PODXL: variants seen among roughly 807,000 people sequenced by gnomAD.
PODXL encodes podocalyxin like, also known as podocalyxin.
In PODXL, 20 loss-of-function variants were observed where a neutral mutation model predicts 48.9. The ratio of observed to expected loss-of-function variants is 0.41; its 90% confidence interval spans 0.29 to 0.59. PODXL has a LOEUF of 0.59. PODXL is among the 20% of genes least tolerant of loss of function. The pLI, the probability that PODXL is intolerant of heterozygous loss-of-function variation, is 0.31. For synonymous variants in PODXL, 295 were observed against 287.4 expected (o/e 1.03, Z -0.27); for missense variants, 606 against 675.1 (o/e 0.90, Z 1.13).
At chr7:131,545,405 G>T (rs964478315) in intron 1 of PODXL, among the ~76,000 whole-genome samples, 2 of 152,198 alleles carry the variant, frequency 1.3e-5, no homozygotes, top group African/African-American at 2.4e-5. Context: ...TTCCAGCTTG[G>T]TCTTTACGCA....
intron 1 of PODXL, among the ~76,000 whole-genome samples, chr7:131,529,394 A>G (rs1379473668): frequency 6.6e-6 from 1 of 152,206 alleles, no homozygotes; most frequent in African/African-American, 2.4e-5. Context: ...TCAATCTTCA[A>G]GGAGGGCCTG....
At chr7:131,520,279 C>A (rs1006185649) in intron 1 of PODXL, 2 of 506,822 alleles carry the variant, frequency 3.9e-6, no homozygotes, top group Admixed American at 4.4e-5. Flanking sequence ...TCACAGAGAT[C>A]CAGAAATTTG....
In PODXL at chr7:131,501,643, CCA is replaced by C. The variant is rs1797704977; in HGVS notation, c.*2666_*2667del. 6.6e-6 allele frequency: 1 copy of C among 152,160 alleles called. No individual in the cohort carries two copies. 9.4% of individuals were successfully genotyped at this position (152,160 alleles called of 1,614,324 possible). On this transcript the variant is annotated 3_prime_UTR_variant, in exon 9 of 9. Coordinates refer to ENST00000378555, the MANE Select transcript of PODXL (RefSeq NM_001018111.3). ...TGGCCTCCTGTGCAGCTTGGGGAAA[CCA>C]CAGTTTACCACTGAAAGAGCTGATG...
intron 1 of PODXL, among the ~76,000 whole-genome samples, chr7:131,532,452 TTAA>T (rs1376771203): frequency 1.4e-5 from 2 of 143,764 alleles, no homozygotes; most frequent in Non-Finnish European, 3.0e-5. Flanking sequence ...AAAAAAAAAA[TTAA>T]AAATAAATAA....
rs374298864 is a variant in PODXL, at chr7:131,509,064, T to C, written c.1024-36A>G. ...CCACTGAGATTAAGGTTTGGGCTAA[T>C]AGTCATGGAATCTTTGACATTTCCC... On this transcript the variant is annotated intron_variant, in intron 4 of 8. Coordinates refer to ENST00000378555, the MANE Select transcript of PODXL (RefSeq NM_001018111.3). The C allele has an allele frequency of 2.5e-5, 38 of 1,545,140 alleles. No individual in the cohort carries two copies. In the African/African-American group the frequency reaches 3.9e-4, roughly 16 times the overall value.
At chr7:131,509,083 AT>A in intron 4 of PODXL, 55 bp from the exon 5 acceptor site, 3 of 1,450,390 alleles carry the variant, frequency 2.1e-6, no homozygotes, top group Non-Finnish European at 2.9e-6. Context: ...AATCTTTGAC[AT>A]TTCCCCCCAA....
chr7:131,521,612 C>T (rs532633101), intron 1 of PODXL, among the ~76,000 whole-genome samples: 45 of 152,282 alleles, frequency 3.0e-4, no homozygotes, highest in Non-Finnish European at 5.9e-4. Context: ...GGATTACAGA[C>T]GTGAGCCACC....
intron 1 of PODXL, among the ~76,000 whole-genome samples, chr7:131,515,431 C>T (rs546082488): frequency 9.9e-5 from 15 of 151,978 alleles, no homozygotes; most frequent in Non-Finnish European, 1.9e-4. Flanking sequence ...GACAGAGTTT[C>T]GCTCCTGTCG....
chr7:131,504,812 C>T (rs1414302630), intron 8 of PODXL, among the ~76,000 whole-genome samples: 2 of 152,208 alleles, frequency 1.3e-5, no homozygotes, highest in Non-Finnish European at 2.9e-5. Flanking sequence ...TCCCCCAAAA[C>T]CTCCTCTCCA....
chr7:131,533,479 C>A (rs956815286), intron 1 of PODXL, among the ~76,000 whole-genome samples: 1 of 152,196 alleles, frequency 6.6e-6, no homozygotes, highest in Non-Finnish European at 1.5e-5. Context: ...TAGGGTGGGG[C>A]CCGTCTGCCT....
At position 131,503,706 on chromosome 7, in the gene PODXL, G is replaced by GTC; in HGVS notation, c.*604_*605insGA. 2 of 154,948 alleles carry GTC rather than the reference G, an allele frequency of 1.3e-5. No individual in the cohort carries two copies. Among genetic ancestry groups the GTC allele is most frequent in the South Asian group, 2.0e-4 (1 of 4,984 alleles). 9.6% of individuals were successfully genotyped at this position (154,948 alleles called of 1,614,324 possible). A position where few individuals can be genotyped will look rare whatever the true frequency, so the allele number is the denominator to read the frequency against. On this transcript the variant is annotated 3_prime_UTR_variant, in exon 9 of 9. Transcript: ENST00000378555. ...GGGAACAAACACTGAGTGTAGGGAG[G>GTC]GGTAAGAACATAGAGGGTGGGAAGA...
chr7:131,556,395 CG>C lies in PODXL; in HGVS notation c.-37del. The C allele has an allele frequency of 7.5e-7, 1 of 1,341,060 alleles. No homozygotes were observed. Among genetic ancestry groups the C allele is most frequent in the Non-Finnish European group, 9.6e-7 (1 of 1,046,820 alleles). The allele number at this position is 1,341,060 out of a possible 1,614,324, so 83.1% of individuals were successfully genotyped here. ...CCTCTGGGCCGGGAGCAGGTGGCTG[CG>C]GTGCCGGCGGAGGATCCGCGCGTCC... On this transcript the variant is annotated 5_prime_UTR_variant, in exon 1 of 9. Transcript: ENST00000378555.
Position 131,516,809 on chromosome 7 carries a change from A to G in PODXL, c.101-5376T>C, listed in dbSNP as rs183181921. On this transcript the variant is annotated intron_variant, in intron 1 of 8. Transcript: ENST00000378555. The stretch of plus-strand genomic sequence containing the variant: ...GTAGTGCAGTGGCATGATACACTGC[A>G]GCATCAACTTCCTGGGCTCAAGTGA... Among the ~76,000 whole-genome samples, 222 of 139,616 alleles carry G rather than the reference A, an allele frequency of 1.6e-3. 1 individual carries two copies. Among genetic ancestry groups the G allele is most frequent in the Non-Finnish European group, 2.7e-3 (183 of 66,648 alleles). The allele number at this position is 139,616 out of a possible 152,430, so 91.6% of individuals were successfully genotyped here.
chr7:131,506,102 A>G lies in PODXL; in HGVS notation c.1312-67T>C, dbSNP rs979623617. The G allele has an allele frequency of 3.2e-6, 5 of 1,572,004 alleles. No homozygotes were observed. The East Asian group carries it at 6.7e-5, about 21-fold the overall frequency. ...CTCCCTCAGCCCCCGGCTTCACTGTAGAGCCCCTCCGCTTGCAGTCTGCTA... is the reference window on the plus strand; with the variant it reads ...CTCCCTCAGCCCCCGGCTTCACTGTGGAGCCCCTCCGCTTGCAGTCTGCTA... On this transcript the variant is annotated intron_variant, in intron 7 of 8. Coordinates refer to ENST00000378555, the MANE Select transcript of PODXL (RefSeq NM_001018111.3).
chr7:131,534,211 G>A (rs1798329671), intron 1 of PODXL, among the ~76,000 whole-genome samples: 1 of 152,160 alleles, frequency 6.6e-6, no homozygotes, highest in African/African-American at 2.4e-5. Flanking sequence ...GTGAGGCATG[G>A]CTGATCTGGG....
At chr7:131,522,805 C>G (rs980031119) in intron 1 of PODXL, among the ~76,000 whole-genome samples, 13 of 152,196 alleles carry the variant, frequency 8.5e-5, no homozygotes, top group Admixed American at 6.5e-4. Flanking sequence ...TGTTTTCAAG[C>G]TTTTCTCTTT....
intron 1 of PODXL, among the ~76,000 whole-genome samples, chr7:131,528,681 G>A (rs898168599): frequency 5.3e-5 from 8 of 152,178 alleles, no homozygotes; most frequent in Non-Finnish European, 1.0e-4. Flanking sequence ...TAATGCAATC[G>A]GCCAGATTTT....
chr7:131,507,348 A>T (rs1311016040), intron 5 of PODXL, among the ~76,000 whole-genome samples: 2 of 152,148 alleles, frequency 1.3e-5, no homozygotes, highest in African/African-American at 4.8e-5. Context: ...TACCCCTAGG[A>T]TATCTTGGAG....
intron 1 of PODXL, among the ~76,000 whole-genome samples, chr7:131,518,843 C>G (rs565014985): frequency 6.6e-6 from 1 of 152,194 alleles, no homozygotes; most frequent in African/African-American, 2.4e-5. Context: ...AGATCCACAG[C>G]GCCATCATTA....
Sources: gnomAD v4.1 joint callset for allele counts (sites outside exome capture counted in the v4.1 genomes callset) on GRCh38, gnomAD v4.1.1 for gene constraint, MANE v1.5 for transcripts, NCBI Gene and HGNC (gene_info 2026-07-23, HGNC 2026-07-21) for gene names.